The following NEGR1 variants were observed in gnomAD, a reference collection of about 807,000 sequenced individuals.
NEGR1 encodes IgLON family member 4.
In NEGR1, 10 loss-of-function variants were observed where a neutral mutation model predicts 40.9. The ratio of observed to expected loss-of-function variants is 0.24; its 90% CI spans 0.15 to 0.42. The LOEUF is 0.42. NEGR1 is among the 10% of genes least tolerant of loss of function. The probability of loss-of-function intolerance (pLI) is 1.00; values close to 1 mark genes in which losing one functional copy is unlikely to be tolerated. For synonymous variants in NEGR1, 185 were observed against 166.8 expected, an observed-to-expected ratio of 1.11 and a Z score of -0.84; for missense variants, 352 against 438.9, an observed-to-expected ratio of 0.80 and a Z score of 1.77.
intron 3 of NEGR1, among the ~76,000 whole-genome samples, chr1:71,733,229 T>C (rs1227518041): frequency 2.0e-5 from 3 of 152,190 alleles, no homozygotes; most frequent in East Asian, 1.9e-4. Context: ...ACATCTGATA[T>C]ATCTGCTGCT....
Position 71,753,714 on chromosome 1 carries a change from ATCACTT to A in NEGR1, c.535+22452_535+22457del, listed in dbSNP as rs1331886082. On this transcript the variant is annotated intron_variant, in intron 3 of 6. Coordinates refer to ENST00000357731, the MANE Select transcript of NEGR1 (RefSeq NM_173808.3). Reference sequence around the variant, plus strand: ...GTCATTGTTTCTTTAATAGATCCATATCACTTTTCATGGGTAGATTTCTAATTTGTA... The same window carrying A: ...GTCATTGTTTCTTTAATAGATCCATATTCATGGGTAGATTTCTAATTTGTA... Among the ~76,000 whole-genome samples, 7 of 152,196 alleles carry A rather than the reference ATCACTT, an allele frequency of 4.6e-5. No individual in the cohort carries two copies. In the East Asian group the frequency reaches 1.4e-3, roughly 29 times the overall value.
At chr1:71,944,648 T>C (rs1324080428) in intron 1 of NEGR1, among the ~76,000 whole-genome samples, 1 of 152,204 alleles carries the variant, frequency 6.6e-6, no homozygotes, top group African/African-American at 2.4e-5. Context: ...TACTTTACAG[T>C]ATCACCAAAT....
chr1:71,916,482 G>A (rs929267054), intron 2 of NEGR1, among the ~76,000 whole-genome samples: 1 of 152,196 alleles, frequency 6.6e-6, no homozygotes, highest in Non-Finnish European at 1.5e-5. Context: ...GCCAGGTGCT[G>A]TGGCTCACGC....
At chr1:71,467,836 A>G (rs1176037194) in intron 6 of NEGR1, among the ~76,000 whole-genome samples, 1 of 152,010 alleles carries the variant, frequency 6.6e-6, no homozygotes, top group Non-Finnish European at 1.5e-5. Context: ...ACCATTGAAA[A>G]TCATCCTCAT....
chr1:72,172,728 G>T (rs1201541012), intron 1 of NEGR1, among the ~76,000 whole-genome samples: 1 of 152,260 alleles, frequency 6.6e-6, no homozygotes, highest in South Asian at 2.1e-4. Flanking sequence ...AAATCAAGGT[G>T]TTCGCAGATT....
intron 1 of NEGR1, among the ~76,000 whole-genome samples, chr1:72,264,522 GA>G (rs1467811388): frequency 7.4e-6 from 1 of 135,728 alleles, no homozygotes; most frequent in African/African-American, 2.8e-5. Flanking sequence ...TTTAAATATA[GA>G]AATTAGTCAC....
chr1:71,800,514 T>C (rs1462308309), intron 2 of NEGR1, among the ~76,000 whole-genome samples: 2 of 152,206 alleles, frequency 1.3e-5, no homozygotes, highest in Non-Finnish European at 2.9e-5. Context: ...ATTCCTGACA[T>C]ACTGTAGGTG....
intron 5 of NEGR1, among the ~76,000 whole-genome samples, chr1:71,606,359 C>T (rs1650074876): frequency 6.6e-6 from 1 of 152,136 alleles, no homozygotes; most frequent in Non-Finnish European, 1.5e-5. Context: ...CCAGTCAAGC[C>T]TTCAGATGAG....
At chr1:71,570,812 T>A (rs532426788) in intron 6 of NEGR1, 6 of 152,242 alleles carry the variant, frequency 3.9e-5, no homozygotes, top group Non-Finnish European at 8.8e-5. Context: ...TTAATCAAAT[T>A]GAAAAAATGG....
intron 1 of NEGR1, among the ~76,000 whole-genome samples, chr1:72,202,298 A>G (rs1292641527): frequency 6.6e-6 from 1 of 151,904 alleles, no homozygotes; most frequent in African/African-American, 2.4e-5. Flanking sequence ...TCCCTGAGAC[A>G]CAACAATATT....
rs139425790 is a variant in NEGR1 at position 72,112,348 on chromosome 1, G to A, written c.176+169971C>T. 1.3e-4 allele frequency among the ~76,000 whole-genome samples: 20 copies of A among 149,688 alleles called. No homozygotes were observed. The East Asian group carries it at 3.2e-3, about 24-fold the overall frequency. On this transcript the variant is annotated intron_variant, in intron 1 of 6. Coordinates refer to ENST00000357731, the MANE Select transcript of NEGR1 (RefSeq NM_173808.3). ...AAAGTAGTAATAATCAGAGTTCTTC[G>A]TTTATACTATTCTTCATTATAACTT...
chr1:71,969,834 T>C (rs1646241288), intron 1 of NEGR1, among the ~76,000 whole-genome samples: 1 of 152,240 alleles, frequency 6.6e-6, no homozygotes, highest in Admixed American at 6.5e-5. Context: ...CATCAAGTCA[T>C]GAATTATTAG....
At chr1:72,206,600 G>A (rs148413312) in intron 1 of NEGR1, among the ~76,000 whole-genome samples, 1 of 151,962 alleles carries the variant, frequency 6.6e-6, no homozygotes, top group East Asian at 1.9e-4. Context: ...AAATAGGGAT[G>A]ACTAATAAAT....
At chr1:72,171,017 T>C (rs932056486) in intron 1 of NEGR1, among the ~76,000 whole-genome samples, 15 of 152,174 alleles carry the variant, frequency 9.9e-5, no homozygotes, top group Admixed American at 4.6e-4. Flanking sequence ...TATTGGTATT[T>C]CCTTTTCCCT....
intron 2 of NEGR1, among the ~76,000 whole-genome samples, chr1:71,880,523 T>A (rs1269160595): frequency 6.6e-6 from 1 of 152,060 alleles, no homozygotes; most frequent in Non-Finnish European, 1.5e-5. Context: ...CACCTTTGGT[T>A]CTGGATGAAT....
chr1:71,693,454 A>G (rs978972825), intron 4 of NEGR1, among the ~76,000 whole-genome samples: 6 of 151,690 alleles, frequency 4.0e-5, no homozygotes, highest in Admixed American at 6.6e-5. Context: ...TCAGTACATC[A>G]GTGTACAAAG....
At chr1:71,575,107 T>G (rs998354146) in intron 6 of NEGR1, among the ~76,000 whole-genome samples, 2 of 152,180 alleles carry the variant, frequency 1.3e-5, no homozygotes, top group African/African-American at 4.8e-5. Flanking sequence ...ATAAACTCAG[T>G]ATGGTGCTAG....
chr1:71,854,853 C>G (rs1659713399), intron 2 of NEGR1, among the ~76,000 whole-genome samples: 1 of 152,094 alleles, frequency 6.6e-6, no homozygotes, highest in Non-Finnish European at 1.5e-5. Context: ...CCAGGTCCGT[C>G]CCAGGACACA....
At chr1:71,941,216 T>A (rs1645956090) in intron 1 of NEGR1, among the ~76,000 whole-genome samples, 1 of 152,054 alleles carries the variant, frequency 6.6e-6, no homozygotes. Context: ...AAAATCTCCA[T>A]GCTGATTTTG....
Sources: allele counts gnomAD v4.1 joint callset (sites outside exome capture counted in the v4.1 genomes callset), GRCh38; gene constraint gnomAD v4.1.1; transcripts MANE v1.5; gene names NCBI Gene and HGNC (gene_info 2026-07-23, HGNC 2026-07-21).